Variants in KLF1 observed in about 807,000 individuals in gnomAD.
KLF1 encodes the protein KLF transcription factor 1, also known as Krueppel-like factor 1.
In KLF1, 29 loss-of-function variants were observed where a neutral mutation model predicts 28.0. That is an observed-to-expected ratio of 1.04 (90% CI 0.77 to 1.41). KLF1 has a LOEUF of 1.41. KLF1 is among the 40% of genes most tolerant of loss of function. The pLI, the probability that KLF1 is intolerant of heterozygous loss-of-function variation, is 0.00. For synonymous variants in KLF1, 262 were observed against 242.6 expected, an observed-to-expected ratio of 1.08 and a Z score of -0.74; for missense variants, 508 against 515.1, an observed-to-expected ratio of 0.99 and a Z score of 0.13.
At position 12,886,107 on chromosome 19, in the gene KLF1, C is replaced by G; in HGVS notation, c.123G>C (p.Pro41=). Residue 41 remains proline (P), a synonymous_variant, in exon 2 of 3, where the codon CCG becomes CCC. Coordinates refer to ENST00000264834, the MANE Select transcript of KLF1 (RefSeq NM_006563.5). ...GCGGCTCCGTGGGGTCAGGAGGACC[C>G]GGGCCCATGTCCTGCGCCTCTTCGG... The part of the protein sequence containing the change: ...WRSEEAQDMG[P]GPPDPTEPPL... The G allele has an allele frequency of 1.9e-6, 3 of 1,605,386 alleles. No homozygotes were observed. The highest frequency in any genetic ancestry group is 2.5e-6 in the Non-Finnish European group (3 of 1,178,292).
chr19:12,885,700 G>A lies in KLF1; in HGVS notation c.530C>T (p.Ser177Phe). ...QPVYPGPGAG[S>F]SGGYFPRTGL... ...GGTCCGCGGGAAGTAGCCACCCGAG[G>A]AGCCGGCGCCGGGCCCCGGGTACAC... Residue 177 changes from serine (S) to phenylalanine (F), a missense_variant, in exon 2 of 3, where the codon TCC (serine) becomes TTC (phenylalanine). Ser to Phe is a radical substitution (Grantham distance 155). Transcript: ENST00000264834. This position sits in a 1 kb window ranked among gnomAD's most constrained non-coding sequence, Gnocchi z 5.6. The A allele has an allele frequency of 1.3e-6, 2 of 1,528,548 alleles. No homozygotes were observed. The highest frequency in any genetic ancestry group is 1.4e-5 in the African/African-American group (1 of 72,414). The allele number at this position is 1,528,548 out of a possible 1,614,324, so 94.7% of individuals were successfully genotyped here. A position where few individuals can be genotyped will look rare whatever the true frequency, so the allele number is the denominator to read the frequency against.
intron 1 of KLF1, among the ~76,000 whole-genome samples, chr19:12,886,829 C>T (rs1176216588): frequency 1.3e-5 from 2 of 152,084 alleles, no homozygotes; most frequent in Non-Finnish European, 2.9e-5. Flanking sequence ...AGGCTACCTT[C>T]GTTTTCTATT....
In KLF1 at chr19:12,885,735, C is replaced by A; in HGVS notation, c.495G>T (p.Ala165=). ...PAPAPEPKAL[A]LQPVYPGPGA... is the part of the protein sequence containing the mutation. ...CGGGCCCCGGGTACACCGGTTGCAG[C>A]GCCAGCGCCTTGGGCTCGGGGGCCG... The change falls in exon 2 of 3, where the codon GCG becomes GCT. Residue 165 remains alanine, a synonymous_variant. Coordinates refer to ENST00000264834, the MANE Select transcript of KLF1 (RefSeq NM_006563.5). This position sits in a 1 kb window ranked among gnomAD's most constrained non-coding sequence, Gnocchi z 5.6. 1 of 1,507,882 alleles carries A rather than the reference C, an allele frequency of 6.6e-7. No homozygotes were observed. The highest frequency in any genetic ancestry group is 8.8e-7 in the Non-Finnish European group (1 of 1,130,018). 93.4% of individuals were successfully genotyped at this position (1,507,882 alleles called of 1,614,324 possible). A position where few individuals can be genotyped will look rare whatever the true frequency, so the allele number is the denominator to read the frequency against.
chr19:12,884,649 G>C lies in KLF1; in HGVS notation c.*236C>G. The stretch of plus-strand genomic sequence containing the variant: ...TTTGCACGACAGTTTGGACATCTCT[G>C]TGTGGCTCCCTGTGGCTGAAGGCTT... On this transcript the variant is annotated 3_prime_UTR_variant, in exon 3 of 3. Coordinates refer to ENST00000264834, the MANE Select transcript of KLF1 (RefSeq NM_006563.5). 1.7e-6 allele frequency: 1 copy of C among 579,118 alleles called. No individual in the cohort carries two copies. Among genetic ancestry groups the C allele is most frequent in the Non-Finnish European group, 3.1e-6 (1 of 323,226 alleles). 35.9% of individuals were successfully genotyped at this position (579,118 alleles called of 1,614,324 possible).
Position 12,885,906 on chromosome 19 carries a change from C to T in KLF1, c.324G>A (p.Pro108=). The change falls in exon 2 of 3, where the codon CCG becomes CCA. Residue 108 remains proline (P), a synonymous_variant. Transcript: ENST00000264834. The surrounding 1 kb of genome is among the most constrained non-coding windows in gnomAD (Gnocchi z 5.6). ...PSEASGAQYP[P]PPETLGAYAG... is the part of the protein sequence containing the mutation. ...CATATGCGCCCAGAGTCTCGGGCGG[C>T]GGCGGATATTGCGCCCCGGAGGCCT... The T allele has an allele frequency of 6.4e-7, 1 of 1,551,610 alleles. No homozygotes were observed. Among genetic ancestry groups the T allele is most frequent in the Non-Finnish European group, 8.7e-7 (1 of 1,147,602 alleles).
intron 1 of KLF1, 149 bp from the exon 2 acceptor site, chr19:12,886,291 T>C: frequency 1.6e-6 from 1 of 610,688 alleles, no homozygotes; most frequent in Non-Finnish European, 2.8e-6. Context: ...ACTGCCCCTC[T>C]AACCGCCCCT....
At chr19:12,886,204 TCG>T in intron 1 of KLF1, 62 bp from the exon 2 acceptor site, 1 of 1,279,950 alleles carries the variant, frequency 7.8e-7, no homozygotes, top group Non-Finnish European at 1.1e-6. Flanking sequence ...CCCAGGGACA[TCG>T]CGGGCTGGAC....
In KLF1 at chr19:12,885,940, G is replaced by T. The variant is rs1164234931; in HGVS notation, c.290C>A (p.Ala97Glu). Residue 97 changes from alanine to glutamate, a missense_variant, in exon 2 of 3, where the codon GCG (alanine) becomes GAG (glutamate). By Grantham distance (107) the Ala-to-Glu change is moderately radical. Transcript: ENST00000264834. This position sits in a 1 kb window ranked among gnomAD's most constrained non-coding sequence, Gnocchi z 5.6. ...TTGCGCCCCGGAGGCCTCGCTGGGC[G>T]CCAGAGCGCAGGTCTGGGGCGCGCC... ...PGGAPQTCAL[A>E]PSEASGAQYP... 2 of 1,560,610 alleles carry T rather than the reference G, an allele frequency of 1.3e-6. No individual in the cohort carries two copies. Among genetic ancestry groups the T allele is most frequent in the South Asian group, 1.2e-5 (1 of 85,272 alleles).
chr19:12,886,966 G>A, intron 1 of KLF1, 88 bp downstream of exon 1: 5 of 1,303,468 alleles, frequency 3.8e-6, no homozygotes, highest in Non-Finnish European at 5.6e-6. Flanking sequence ...CTTGATTTCA[G>A]GTCAAGATGC....
chr19:12,885,483 C>T lies in KLF1; in HGVS notation c.747G>A (p.Gly249=). The T allele has an allele frequency of 1.2e-6, 2 of 1,602,320 alleles. No homozygotes were observed. Among genetic ancestry groups the T allele is most frequent in the South Asian group, 2.2e-5 (2 of 89,582 alleles). Residue 249 remains glycine (G), a synonymous_variant, in exon 2 of 3, where the codon GGG becomes GGA. Coordinates refer to ENST00000264834, the MANE Select transcript of KLF1 (RefSeq NM_006563.5). This position sits in a 1 kb window ranked among gnomAD's most constrained non-coding sequence, Gnocchi z 5.6. ...TCACACCTGGATCCTCTGCAGTCCC[C>T]CCGAGTCCAGTGCCCACCGTCCCGG... The part of the protein sequence containing the change: ...LGPGTVGTGL[G]GTAEDPGVIA...
rs1046204094 is a variant in KLF1 at position 12,884,658 on chromosome 19, C to T, written c.*227G>A. The T allele has an allele frequency of 5.1e-6, 3 of 587,786 alleles. No individual in the cohort carries two copies. The highest frequency in any genetic ancestry group is 9.1e-6 in the Non-Finnish European group (3 of 328,962). The allele number at this position is 587,786 out of a possible 1,614,324, so 36.4% of individuals were successfully genotyped here. Reference sequence around the variant, plus strand: ...CAGTTTGGACATCTCTGTGTGGCTCCCTGTGGCTGAAGGCTTGTCGGATTT... The same window carrying T: ...CAGTTTGGACATCTCTGTGTGGCTCTCTGTGGCTGAAGGCTTGTCGGATTT... On this transcript the variant is annotated 3_prime_UTR_variant, in exon 3 of 3. Coordinates refer to ENST00000264834, the MANE Select transcript of KLF1 (RefSeq NM_006563.5).
At chr19:12,886,460 C>A (rs1046446228) in intron 1 of KLF1, among the ~76,000 whole-genome samples, 3 of 152,058 alleles carry the variant, frequency 2.0e-5, no homozygotes, top group Non-Finnish European at 4.4e-5. Context: ...GGAGAGGATG[C>A]CAGCCTTGAC....
chr19:12,887,191 T>A lies in KLF1; in HGVS notation c.-51A>T. 6.3e-7 allele frequency: 1 copy of A among 1,588,892 alleles called. No individual in the cohort carries two copies. Among genetic ancestry groups the A allele is most frequent in the Non-Finnish European group, 8.6e-7 (1 of 1,158,942 alleles). ...TCAAGCCTCCTCTTCCTCGGCTGCC[T>A]CGTGAACTCTGAGGCTGTGATAGCC... is the stretch of plus-strand genomic sequence containing the variant. On this transcript the variant is annotated 5_prime_UTR_variant, in exon 1 of 3. Transcript: ENST00000264834. The surrounding 1 kb of genome is among the most constrained non-coding windows in gnomAD (Gnocchi z 4.7).
Position 12,887,028 on chromosome 19 carries a change from C to CCTAGACCCCACCTT in KLF1, c.87+12_87+25dup, listed in dbSNP as rs1295567246. On this transcript the variant is annotated intron_variant, in intron 1 of 2. Transcript: ENST00000264834. This position sits in a 1 kb window ranked among gnomAD's most constrained non-coding sequence, Gnocchi z 4.7. ...GTGGCCCTGGATTCCAGCCAGCCCACCTAGACCCCACCTTCTAGGCCCCAC... is the reference window on the plus strand; with the variant it reads ...GTGGCCCTGGATTCCAGCCAGCCCACCTAGACCCCACCTTCTAGACCCCACCTTCTAGGCCCCAC... 11 of 1,612,948 alleles carry CCTAGACCCCACCTT rather than the reference C, an allele frequency of 6.8e-6. No individual in the cohort carries two copies. Among genetic ancestry groups the CCTAGACCCCACCTT allele is most frequent in the Non-Finnish European group, 9.3e-6 (11 of 1,178,970 alleles).
In KLF1 at chr19:12,885,436, T is replaced by C; in HGVS notation, c.794A>G (p.Lys265Arg). ...GCGCGCCCACGAACGTCGGCCTCGC[T>C]TGGATGGCGCGGTCTCGGCTATCAC... ...PGVIAETAPSKRGRRSWARKR... is the reference protein window; with the variant it reads ...PGVIAETAPSRRGRRSWARKR... The change falls in exon 2 of 3, where the codon AAG becomes AGG. Residue 265 changes from lysine (K) to arginine (R), a missense_variant. Lys to Arg is a conservative substitution (Grantham distance 26, BLOSUM62 2). Transcript: ENST00000264834. The surrounding 1 kb of genome is among the most constrained non-coding windows in gnomAD (Gnocchi z 5.6). 1 of 1,605,726 alleles carries C rather than the reference T, an allele frequency of 6.2e-7. No homozygotes were observed. The highest frequency in any genetic ancestry group is 8.5e-7 in the Non-Finnish European group (1 of 1,176,790).
chr19:12,886,585 T>C (rs1970451674), intron 1 of KLF1, among the ~76,000 whole-genome samples: 1 of 151,916 alleles, frequency 6.6e-6, no homozygotes, highest in Admixed American at 6.6e-5. Flanking sequence ...TCTGGAAGAT[T>C]GTCTGTGAGC....
chr19:12,885,363 G>T lies in KLF1; in HGVS notation c.867C>A (p.Ser289Arg), dbSNP rs970988762. The T allele has an allele frequency of 1.2e-6, 2 of 1,604,250 alleles. No homozygotes were observed. Among genetic ancestry groups the T allele is most frequent in the Non-Finnish European group, 1.7e-6 (2 of 1,175,956 alleles). Residue 289 changes from serine (S) to arginine (R), a missense_variant, in exon 2 of 3, where the codon AGC becomes AGA. Transcript: ENST00000264834. This position sits in a 1 kb window ranked among gnomAD's most constrained non-coding sequence, Gnocchi z 5.6. ...CCTTCAGGTGGGAGCTCTTGGTGTA[G>T]CTCTTGCCGCAACCCGGGTGCGCGC... ...HTCAHPGCGK[S>R]YTKSSHLKAH...
At position 12,884,678 on chromosome 19, in the gene KLF1, G is replaced by A. The variant is rs1970415280; in HGVS notation, c.*207C>T. The A allele has an allele frequency of 3.3e-6, 2 of 611,934 alleles. No homozygotes were observed. The highest frequency in any genetic ancestry group is 5.8e-6 in the Non-Finnish European group (2 of 346,610). 37.9% of individuals were successfully genotyped at this position (611,934 alleles called of 1,614,324 possible). A position where few individuals can be genotyped will look rare whatever the true frequency, so the allele number is the denominator to read the frequency against. On this transcript the variant is annotated 3_prime_UTR_variant, in exon 3 of 3. Transcript: ENST00000264834. ...GGCTCCCTGTGGCTGAAGGCTTGTC[G>A]GATTTTCCGTAAGAGGCTCCCCCAG...
Position 12,885,736 on chromosome 19 carries a change from G to T in KLF1, c.494C>A (p.Ala165Glu). Residue 165 changes from alanine (A) to glutamate (E), a missense_variant, in exon 2 of 3, where the codon GCG becomes GAG. Ala to Glu is a moderately radical substitution (Grantham distance 107). Transcript: ENST00000264834. The surrounding 1 kb of genome is among the most constrained non-coding windows in gnomAD (Gnocchi z 5.6). ...PAPAPEPKAL[A>E]LQPVYPGPGA... is the part of the protein sequence containing the mutation. ...GGGCCCCGGGTACACCGGTTGCAGC[G>T]CCAGCGCCTTGGGCTCGGGGGCCGG... 6.6e-7 allele frequency: 1 copy of T among 1,508,154 alleles called. No homozygotes were observed. Among genetic ancestry groups the T allele is most frequent in the Non-Finnish European group, 8.8e-7 (1 of 1,130,198 alleles). The allele number at this position is 1,508,154 out of a possible 1,614,324, so 93.4% of individuals were successfully genotyped here. A position where few individuals can be genotyped will look rare whatever the true frequency, so the allele number is the denominator to read the frequency against.
Sources: allele counts gnomAD v4.1 joint callset (sites outside exome capture counted in the v4.1 genomes callset), GRCh38; gene constraint gnomAD v4.1.1; non-coding constraint Gnocchi (gnomAD v3.1); transcripts MANE v1.5; gene names NCBI Gene and HGNC (gene_info 2026-07-23, HGNC 2026-07-21).